The following DAB1 variants were observed in gnomAD, a reference collection of about 807,000 sequenced individuals.
DAB1 encodes disabled homolog 1.
In DAB1, 15 loss-of-function variants were observed where a neutral mutation model predicts 64.6. The ratio of observed to expected loss-of-function variants is 0.23; its 90% CI spans 0.16 to 0.36. DAB1 has a LOEUF of 0.36. Among genes scored for constraint, DAB1 ranks in the 10% least tolerant of loss-of-function variants. DAB1 has a pLI of 1.00. For missense variants in DAB1, 596 were observed against 706.7 expected, an observed-to-expected ratio of 0.84 and a Z score of 1.78; for synonymous variants, 235 against 251.9, an observed-to-expected ratio of 0.93 and a Z score of 0.64.
intron 7 of DAB1, among the ~76,000 whole-genome samples, chr1:57,607,240 G>A (rs1343818881): frequency 1.3e-5 from 2 of 152,180 alleles, no homozygotes; most frequent in African/African-American, 4.8e-5. Context: ...TTGGTTGCAT[G>A]TGTGCATATA....
At chr1:57,229,094 T>A (rs1031494902) in intron 2 of DAB1, among the ~76,000 whole-genome samples, 1 of 152,168 alleles carries the variant, frequency 6.6e-6, no homozygotes, top group African/African-American at 2.4e-5. Flanking sequence ...GAAACCCTCT[T>A]AGAAACATTA....
At chr1:57,008,183 G>A (rs747080147) in intron 14 of DAB1, among the ~76,000 whole-genome samples, 1 of 152,244 alleles carries the variant, frequency 6.6e-6, no homozygotes, top group African/African-American at 2.4e-5. Flanking sequence ...GCAGTGAGCT[G>A]TGTGAGGCCC....
chr1:57,621,273 T>TGTGC (rs146431425), intron 7 of DAB1, among the ~76,000 whole-genome samples: 6 of 148,878 alleles, frequency 4.0e-5, no homozygotes, highest in South Asian at 2.2e-4. Context: ...TGTGTGTGTG[T>TGTGC]GTGTGCGTGT....
At chr1:58,201,881 T>A (rs1159702144) in intron 4 of DAB1, among the ~76,000 whole-genome samples, 1 of 152,180 alleles carries the variant, frequency 6.6e-6, no homozygotes, top group Non-Finnish European at 1.5e-5. Context: ...TGACTTGATG[T>A]ACAGGTAACA....
chr1:57,531,049 CAGTGTCAAGCCTCCG>C (rs1343202768), intron 7 of DAB1, among the ~76,000 whole-genome samples: 2 of 152,150 alleles, frequency 1.3e-5, no homozygotes, highest in Non-Finnish European at 2.9e-5. Context: ...AATCAAGTAC[CAGTGTCAAGCCTCCG>C]AGCCCAAGCT....
intron 1 of DAB1, among the ~76,000 whole-genome samples, chr1:57,339,137 CTTTT>C (rs5774338): frequency 6.9e-6 from 1 of 145,284 alleles, no homozygotes; most frequent in African/African-American, 2.5e-5. Context: ...CGGCTTCTTT[CTTTT>C]TTTTTTTTAA....
intron 1 of DAB1, among the ~76,000 whole-genome samples, chr1:57,333,936 T>G (rs759225032): frequency 6.6e-6 from 1 of 152,182 alleles, no homozygotes; most frequent in Non-Finnish European, 1.5e-5. Context: ...ATGTTGGCAA[T>G]GCACATTGTA....
intron 6 of DAB1, among the ~76,000 whole-genome samples, chr1:57,739,850 C>T (rs919718995): frequency 1.3e-5 from 2 of 151,826 alleles, no homozygotes; most frequent in Non-Finnish European, 1.5e-5. Flanking sequence ...GTTTAAGAAT[C>T]TAGTCAAATT....
At chr1:57,976,093 A>G (rs1187982) in intron 5 of DAB1, among the ~76,000 whole-genome samples, 147,011 of 152,290 alleles carry the variant, frequency 0.97, 71,180 homozygotes, top group East Asian at 1. Context: ...CAAGATGGAG[A>G]GCCGTATAAC....
chr1:58,097,515 G>A (rs78984906), intron 5 of DAB1, among the ~76,000 whole-genome samples: 10,488 of 148,012 alleles, frequency 0.071, 478 homozygotes, highest in African/African-American at 0.12. Context: ...GGATGTTCAG[G>A]AAGCCTTTTT....
intron 2 of DAB1, among the ~76,000 whole-genome samples, chr1:58,518,318 G>T: frequency 9.0e-6 from 1 of 110,614 alleles, no homozygotes; most frequent in South Asian, 3.5e-4. Context: ...GAGAAGAGAA[G>T]AGAAGAGAAG....
At chr1:57,528,797 A>G (rs1252839063) in intron 7 of DAB1, among the ~76,000 whole-genome samples, 2 of 152,252 alleles carry the variant, frequency 1.3e-5, no homozygotes, top group South Asian at 2.1e-4. Context: ...AGGCCTGTCA[A>G]TCGAAAATTC....
At chr1:58,031,989 CGT>C (rs59449665) in intron 5 of DAB1, among the ~76,000 whole-genome samples, 15,701 of 141,292 alleles carry the variant, frequency 0.11, 761 homozygotes, top group Middle Eastern at 0.12. Flanking sequence ...CTGATAGAAA[CGT>C]GTGTGTGTGT....
chr1:57,071,440 A>G, intron 6 of DAB1, 82 bp downstream of exon 6: 2 of 1,485,472 alleles, frequency 1.3e-6, no homozygotes, highest in Admixed American at 2.3e-5. Context: ...TGGCAGCAGG[A>G]AGAGAAGGCC....
intron 5 of DAB1, among the ~76,000 whole-genome samples, chr1:57,993,512 TCCCC>T (rs1646379292): frequency 6.6e-6 from 1 of 152,134 alleles, no homozygotes; most frequent in African/African-American, 2.4e-5. Context: ...TGTCGAAAGC[TCCCC>T]ATGACATTTC....
chr1:57,174,272 T>A (rs1286921321), intron 2 of DAB1, among the ~76,000 whole-genome samples: 1 of 152,200 alleles, frequency 6.6e-6, no homozygotes, highest in African/African-American at 2.4e-5. Context: ...GCTCTGGGCA[T>A]TCCAATACCA....
At chr1:57,710,661 G>A (rs903138030) in intron 6 of DAB1, among the ~76,000 whole-genome samples, 1 of 151,912 alleles carries the variant, frequency 6.6e-6, no homozygotes, top group South Asian at 2.1e-4. Flanking sequence ...GGGGGGGGAG[G>A]TTAATTCTTT....
At chr1:58,486,153 TATC>T (rs1432840149) in intron 3 of DAB1, among the ~76,000 whole-genome samples, 1 of 152,214 alleles carries the variant, frequency 6.6e-6, no homozygotes, top group African/African-American at 2.4e-5. Flanking sequence ...ATAAAATACT[TATC>T]ATTAAAATGT....
At chr1:57,511,332 G>A (rs953441309) in intron 7 of DAB1, among the ~76,000 whole-genome samples, 2 of 152,160 alleles carry the variant, frequency 1.3e-5, no homozygotes, top group African/African-American at 2.4e-5. Context: ...TTGTGACGTT[G>A]CAACCACATG....
Sources: allele counts gnomAD v4.1 joint callset (sites outside exome capture counted in the v4.1 genomes callset), GRCh38; gene constraint gnomAD v4.1.1; transcripts MANE v1.5; gene names NCBI Gene and HGNC (gene_info 2026-07-23, HGNC 2026-07-21).